Variants in DRC11 observed in about 807,000 individuals in gnomAD.
DRC11 encodes the protein IQ and AAA domain-containing protein 1.
At chr2:236,380,160 T>C in the DRC11 span, among the ~76,000 whole-genome samples, 1 of 152,212 alleles carries the variant, frequency 6.6e-6, no homozygotes, top group Non-Finnish European at 1.5e-5. The surrounding 1 kb of genome is among the most constrained non-coding windows in gnomAD (Gnocchi z 4.9). Flanking sequence ...CCGCCCTTCC[T>C]GAGACTGGGC....
chr2:236,412,181 C>T, the DRC11 span, among the ~76,000 whole-genome samples: 1 of 152,132 alleles, frequency 6.6e-6, no homozygotes, highest in African/African-American at 2.4e-5. Context: ...AGGCGTGGGC[C>T]ACTGCGCCCA....
At chr2:236,399,731 G>A in the DRC11 span, among the ~76,000 whole-genome samples, 5 of 152,098 alleles carry the variant, frequency 3.3e-5, no homozygotes, top group Non-Finnish European at 7.4e-5. The surrounding 1 kb of genome is among the most constrained non-coding windows in gnomAD (Gnocchi z 7.0). Flanking sequence ...CTCCCCTGGG[G>A]TACCCCATGC....
At chr2:236,415,846 A>G in the DRC11 span, among the ~76,000 whole-genome samples, 68 of 152,348 alleles carry the variant, frequency 4.5e-4, no homozygotes, top group South Asian at 2.3e-3. The surrounding 1 kb of genome is among the most constrained non-coding windows in gnomAD (Gnocchi z 5.7). Flanking sequence ...GCAAGTATAA[A>G]ACTCCCTTGT....
At chr2:236,431,204 C>T in the DRC11 span, among the ~76,000 whole-genome samples, 4,734 of 152,236 alleles carry the variant, frequency 0.031, 243 homozygotes, top group East Asian at 0.18. The surrounding 1 kb of genome is among the most constrained non-coding windows in gnomAD (Gnocchi z 4.2). Flanking sequence ...TTTCTCTCTC[C>T]TTCCCAGGTG....
the DRC11 span, among the ~76,000 whole-genome samples, chr2:236,410,112 T>C: frequency 6.6e-6 from 1 of 151,812 alleles, no homozygotes; most frequent in Non-Finnish European, 1.5e-5. Context: ...ATCAGGATGA[T>C]GCTGGCCTCA....
chr2:236,438,558 A>T, the DRC11 span, among the ~76,000 whole-genome samples: 1 of 151,818 alleles, frequency 6.6e-6, no homozygotes, highest in Admixed American at 6.6e-5. Flanking sequence ...CACGATATTG[A>T]TTCTTCCTAC....
At chr2:236,336,977 G>A in the DRC11 span, among the ~76,000 whole-genome samples, 1 of 152,186 alleles carries the variant, frequency 6.6e-6, no homozygotes, top group African/African-American at 2.4e-5. The surrounding 1 kb of genome is among the most constrained non-coding windows in gnomAD (Gnocchi z 7.3). Flanking sequence ...TGAAACATGT[G>A]CTCATGAGAT....
the DRC11 span, among the ~76,000 whole-genome samples, chr2:236,384,406 T>A: frequency 2.0e-5 from 3 of 152,102 alleles, no homozygotes; most frequent in Non-Finnish European, 4.4e-5. Flanking sequence ...TGCATTTCTC[T>A]GATGGCCAGT....
At chr2:236,502,573 A>AAAAAAAAAAAAAAAAAAAC in the DRC11 span, among the ~76,000 whole-genome samples, 1 of 144,154 alleles carries the variant, frequency 6.9e-6, no homozygotes, top group Admixed American at 6.8e-5. Flanking sequence ...AAAAAAAAAA[A>AAAAAAAAAAAAAAAAAAAC]AAAAAAATAC....
At chr2:236,471,442 C>CA in the DRC11 span, among the ~76,000 whole-genome samples, 1 of 152,138 alleles carries the variant, frequency 6.6e-6, no homozygotes, top group African/African-American at 2.4e-5. The surrounding 1 kb of genome is among the most constrained non-coding windows in gnomAD (Gnocchi z 4.6). Flanking sequence ...TATACCTTGC[C>CA]AACACTGTAA....
chr2:236,392,248 A>G, the DRC11 span: 1 of 1,579,190 alleles, frequency 6.3e-7, no homozygotes, highest in Non-Finnish European at 8.7e-7. The surrounding 1 kb of genome is among the most constrained non-coding windows in gnomAD (Gnocchi z 5.1). Flanking sequence ...CTGTACCTGT[A>G]TCCTGATCTC....
chr2:236,337,099 C>T, the DRC11 span, among the ~76,000 whole-genome samples: 14 of 152,172 alleles, frequency 9.2e-5, no homozygotes, highest in African/African-American at 3.1e-4. This position sits in a 1 kb window ranked among gnomAD's most constrained non-coding sequence, Gnocchi z 4.9. Context: ...GCAGCAACTC[C>T]AGTCACATGC....
At chr2:236,340,580 C>A in the DRC11 span, among the ~76,000 whole-genome samples, 1 of 152,028 alleles carries the variant, frequency 6.6e-6, no homozygotes. Context: ...ATGTGAGCTG[C>A]CCAAAGAACA....
the DRC11 span, among the ~76,000 whole-genome samples, chr2:236,467,994 TAA>T: frequency 1.3e-5 from 2 of 152,178 alleles, no homozygotes; most frequent in African/African-American, 2.4e-5. Context: ...TAAAATCAGT[TAA>T]AAGAGAAAAG....
At chr2:236,504,218 C>G in the DRC11 span, among the ~76,000 whole-genome samples, 2 of 151,986 alleles carry the variant, frequency 1.3e-5, no homozygotes, top group Admixed American at 1.3e-4. This position sits in a 1 kb window ranked among gnomAD's most constrained non-coding sequence, Gnocchi z 5.0. Flanking sequence ...GCGTTCAGTG[C>G]TGAGCTCCTT....
chr2:236,492,857 A>G, the DRC11 span, among the ~76,000 whole-genome samples: 1 of 152,256 alleles, frequency 6.6e-6, no homozygotes, highest in Non-Finnish European at 1.5e-5. Flanking sequence ...ATGCAGCTGC[A>G]CAAATCCTGT....
At chr2:236,457,611 T>G in the DRC11 span, among the ~76,000 whole-genome samples, 6 of 152,130 alleles carry the variant, frequency 3.9e-5, no homozygotes, top group African/African-American at 1.4e-4. The surrounding 1 kb of genome is among the most constrained non-coding windows in gnomAD (Gnocchi z 4.7). Context: ...TTAAGATCCA[T>G]GAGAGGGGGA....
chr2:236,416,759 ATATATAT>A, the DRC11 span, among the ~76,000 whole-genome samples: 6 of 90,862 alleles, frequency 6.6e-5, no homozygotes, highest in South Asian at 2.0e-3. Context: ...ATATATATAT[ATATATAT>A]ATAAATAATT....
At chr2:236,314,774 T>G in the DRC11 span, among the ~76,000 whole-genome samples, 1 of 152,148 alleles carries the variant, frequency 6.6e-6, no homozygotes, top group Non-Finnish European at 1.5e-5. The surrounding 1 kb of genome is among the most constrained non-coding windows in gnomAD (Gnocchi z 4.5). Context: ...CACAGAAAAT[T>G]ACAAAACATC....
Sources: allele counts gnomAD v4.1 joint callset (sites outside exome capture counted in the v4.1 genomes callset), GRCh38; gene constraint gnomAD v4.1.1; non-coding constraint Gnocchi (gnomAD v3.1); transcripts MANE v1.5; gene names NCBI Gene and HGNC (gene_info 2026-07-23, HGNC 2026-07-21).